The following PCDH15 variants were observed in gnomAD, a reference collection of about 807,000 sequenced individuals.
The protein encoded by PCDH15 is protocadherin-15.
In PCDH15, 129 loss-of-function variants were observed where a neutral mutation model predicts 178.5. The observed-to-expected ratio is 0.72, with a 90% CI of 0.63 to 0.84. The LOEUF (loss-of-function observed/expected upper bound fraction) is 0.84. Among genes scored for constraint, PCDH15 ranks in the 40% least tolerant of loss-of-function variants. The pLI, the probability that PCDH15 is intolerant of heterozygous loss-of-function variation, is 0.00. For synonymous variants in PCDH15, 800 were observed against 732.0 expected (o/e 1.09, Z -1.50); for missense variants, 2,230 against 2,099.9 (o/e 1.06, Z -1.21).
intron 2 of PCDH15, among the ~76,000 whole-genome samples, chr10:55,053,781 G>T (rs1380853075): frequency 6.6e-6 from 1 of 152,178 alleles, no homozygotes; most frequent in Non-Finnish European, 1.5e-5. Flanking sequence ...AAAGTGTCCA[G>T]CACACTGTTA....
chr10:55,067,954 G>A (rs1032653208), intron 2 of PCDH15, among the ~76,000 whole-genome samples: 4 of 151,640 alleles, frequency 2.6e-5, no homozygotes, highest in African/African-American at 7.3e-5. Context: ...TTTTACTGTT[G>A]ACTTGTTTGA....
At chr10:54,266,375 C>T (rs12251154) in intron 8 of PCDH15, among the ~76,000 whole-genome samples, 15,143 of 151,586 alleles carry the variant, frequency 0.1, 1,535 homozygotes, top group African/African-American at 0.26. Context: ...AAATTAACAA[C>T]GTAACATTGC....
intron 15 of PCDH15, among the ~76,000 whole-genome samples, chr10:54,093,804 TAATTA>T (rs1283610937): frequency 3.3e-5 from 5 of 151,324 alleles, no homozygotes; most frequent in African/African-American, 9.7e-5. Flanking sequence ...CTCTGTACTT[TAATTA>T]ATTGAAAGAT....
intron 18 of PCDH15, among the ~76,000 whole-genome samples, chr10:54,034,074 C>A (rs545738668): frequency 9.3e-4 from 141 of 151,962 alleles, no homozygotes; most frequent in Middle Eastern, 6.8e-3. Flanking sequence ...ATTGGATTCT[C>A]TGTGAAATTC....
chr10:54,865,230 G>C (rs922843081), intron 3 of PCDH15, among the ~76,000 whole-genome samples: 6 of 152,152 alleles, frequency 3.9e-5, no homozygotes, highest in Non-Finnish European at 7.3e-5. Context: ...CTAGAACAAA[G>C]CAGGCAGAAG....
At chr10:53,966,266 A>C (rs1407728742) in intron 21 of PCDH15, among the ~76,000 whole-genome samples, 2 of 152,132 alleles carry the variant, frequency 1.3e-5, no homozygotes, top group Non-Finnish European at 2.9e-5. Flanking sequence ...TTCTTTTATC[A>C]CCCTTGTTAT....
rs1325596862 is a variant in PCDH15, at chr10:55,003,646, T to C, written c.-79-106146A>G. ...ATAAGTTCAATAAGAGTATATTTTA[T>C]GTTATAATAGGACACAATTGTAGGA... On this transcript the variant is annotated intron_variant, in intron 2 of 5. Transcript: ENST00000458638. 3.9e-5 allele frequency among the ~76,000 whole-genome samples: 6 copies of C among 152,336 alleles called. No homozygotes were observed. In the East Asian group the frequency reaches 1.2e-3, roughly 29 times the overall value.
At chr10:55,248,763 C>G (rs1250724708) in intron 1 of PCDH15, among the ~76,000 whole-genome samples, 1 of 151,894 alleles carries the variant, frequency 6.6e-6, no homozygotes, top group African/African-American at 2.4e-5. Flanking sequence ...TGCCATGTTG[C>G]CCAGGCTGGT....
At chr10:54,537,015 T>TTTTTTC (rs2084624370) in intron 2 of PCDH15, among the ~76,000 whole-genome samples, 2 of 146,490 alleles carry the variant, frequency 1.4e-5, no homozygotes, top group African/African-American at 2.5e-5. Flanking sequence ...TTTTTTTTTT[T>TTTTTTC]TTTGAGACGG....
intron 32 of PCDH15, chr10:53,825,086 T>C (rs1294041539): frequency 7.9e-6 from 12 of 1,513,906 alleles, no homozygotes; most frequent in Non-Finnish European, 1.1e-5. Context: ...TCTGTTCTAT[T>C]GTATCTATTT....
chr10:53,908,942 TTTTTC>T (rs1554854221), intron 25 of PCDH15, among the ~76,000 whole-genome samples: 2 of 152,198 alleles, frequency 1.3e-5, no homozygotes, highest in Non-Finnish European at 1.5e-5. Flanking sequence ...TTTTATGCTG[TTTTTC>T]TTTTAAGACA....
intron 2 of PCDH15, among the ~76,000 whole-genome samples, chr10:55,409,107 A>AAGGCTTTAAATACCATTC (rs1411259861): frequency 1.1e-3 from 168 of 147,248 alleles, no homozygotes; most frequent in Non-Finnish European, 1.9e-3. Flanking sequence ...AGGTGTGTTC[A>AAGGCTTTAAATACCATTC]ATAGATCAGT....
At chr10:54,743,315 G>A (rs939492842) in intron 1 of PCDH15, among the ~76,000 whole-genome samples, 3 of 151,950 alleles carry the variant, frequency 2.0e-5, no homozygotes, top group African/African-American at 7.2e-5. Context: ...CATATGTTCT[G>A]GGTACATTAA....
chr10:55,317,480 T>C (rs559636488), intron 1 of PCDH15, among the ~76,000 whole-genome samples: 3 of 99,870 alleles, frequency 3.0e-5, no homozygotes, highest in Admixed American at 9.0e-5. Context: ...TTAATAGTGT[T>C]TTTTTTTTCT....
At chr10:54,281,556 G>A (rs1433636243) in intron 8 of PCDH15, among the ~76,000 whole-genome samples, 1 of 151,960 alleles carries the variant, frequency 6.6e-6, no homozygotes. Flanking sequence ...TGAACTTCAT[G>A]TGGTAAATAC....
At chr10:54,328,589 G>A (rs550944460) in intron 7 of PCDH15, among the ~76,000 whole-genome samples, 2 of 152,136 alleles carry the variant, frequency 1.3e-5, no homozygotes, top group South Asian at 4.1e-4. Context: ...AGTCTAGAAG[G>A]AGATGTTGGA....
intron 2 of PCDH15, among the ~76,000 whole-genome samples, chr10:55,408,486 A>C (rs1434168150): frequency 6.6e-6 from 1 of 152,104 alleles, no homozygotes; most frequent in Non-Finnish European, 1.5e-5. Flanking sequence ...GCCCTGTCAT[A>C]ACCTTGATTC....
At chr10:54,324,269 A>T (rs1211148846) in intron 7 of PCDH15, among the ~76,000 whole-genome samples, 3 of 152,102 alleles carry the variant, frequency 2.0e-5, no homozygotes, top group African/African-American at 7.2e-5. Flanking sequence ...ATGCTTACAC[A>T]TTTTATTTGA....
rs766446603 is a variant in PCDH15 at position 53,804,400 on chromosome 10, C to A, written c.*2179G>T. 6.6e-6 allele frequency: 1 copy of A among 151,902 alleles called. No individual in the cohort carries two copies. The highest frequency in any genetic ancestry group is 1.5e-5 in the Non-Finnish European group (1 of 67,898). 9.4% of individuals were successfully genotyped at this position (151,902 alleles called of 1,614,324 possible). Reference sequence around the variant, plus strand: ...GTAACCAAAGAAAGCGTCTAAGAGTCGCAAAACATTTGGTTGAATCCGTGT... The same window carrying A: ...GTAACCAAAGAAAGCGTCTAAGAGTAGCAAAACATTTGGTTGAATCCGTGT... On this transcript the variant is annotated 3_prime_UTR_variant, in exon 38 of 38. Transcript: ENST00000644397.
Sources: allele counts gnomAD v4.1 joint callset (sites outside exome capture counted in the v4.1 genomes callset), GRCh38; gene constraint gnomAD v4.1.1; transcripts MANE v1.5; gene names NCBI Gene and HGNC (gene_info 2026-07-23, HGNC 2026-07-21).